The following NOTCH2 variants were observed in gnomAD, a reference collection of about 807,000 sequenced individuals.
The protein encoded by NOTCH2 is neurogenic locus notch homolog protein 2.
Under a neutral mutation model 235.8 loss-of-function variants are expected in NOTCH2, and 29 were observed. That is an observed-to-expected ratio of 0.12 (90% confidence interval 0.09 to 0.17). NOTCH2 has a LOEUF of 0.17. Ranked by LOEUF, NOTCH2 falls within the 10% of genes least tolerant of loss-of-function variation. The pLI is 1.00. For missense variants in NOTCH2, 2,285 were observed against 3,150.2 expected, an observed-to-expected ratio of 0.73 and a Z score of 6.57; for synonymous variants, 1,086 against 1,141.5, an observed-to-expected ratio of 0.95 and a Z score of 0.98.
Position 119,953,620 on chromosome 1 carries a change from G to A in NOTCH2, c.2288C>T (p.Ser763Leu), listed in dbSNP as rs782306821. 9 of 1,613,878 alleles carry A rather than the reference G, an allele frequency of 5.6e-6. No individual in the cohort carries two copies. The highest frequency in any genetic ancestry group is 5.5e-5 in the South Asian group (5 of 91,078). ...AGTTCCTCCATTCTGGCATGGATTCGAAAGGCATTCATTTTTGTCCACTTC... is the reference window on the plus strand; with the variant it reads ...AGTTCCTCCATTCTGGCATGGATTCAAAAGGCATTCATTTTTGTCCACTTC... ...NCEVDKNECL[S>L]NPCQNGGTCD... Residue 763 changes from serine (S) to leucine (L), a missense_variant, in exon 14 of 34, where the codon TCG (serine) becomes TTG (leucine). Ser to Leu is a moderately radical substitution (Grantham distance 145). Transcript: ENST00000256646.
chr1:119,999,511 T>C (rs587693709), intron 3 of NOTCH2, among the ~76,000 whole-genome samples: 1 of 149,028 alleles, frequency 6.7e-6, no homozygotes, highest in Admixed American at 6.7e-5. Context: ...AAGAGGCACT[T>C]ATTTACAGTG....
At chr1:119,939,549 C>G in intron 19 of NOTCH2, among the ~76,000 whole-genome samples, 1 of 152,148 alleles carries the variant, frequency 6.6e-6, no homozygotes, top group Non-Finnish European at 1.5e-5. Context: ...CGTTTAAGAG[C>G]TTATTTCTAA....
At position 120,001,545 on chromosome 1, in the gene NOTCH2, C is replaced by T. The variant is rs181392423; in HGVS notation, c.415+3784G>A. ...TGCCACTACAGAGTGCCCAATTTGC[C>T]AGCAGCAGAAACCAACACTGCACCT... On this transcript the variant is annotated intron_variant, in intron 3 of 33. Coordinates refer to ENST00000256646, the MANE Select transcript of NOTCH2 (RefSeq NM_024408.4). Among the ~76,000 whole-genome samples the T allele has an allele frequency of 2.2e-4, 34 of 152,276 alleles. No homozygotes were observed. The East Asian group carries it at 4.8e-3, about 22-fold the overall frequency.
chr1:120,001,745 C>T (rs587721138), intron 3 of NOTCH2, among the ~76,000 whole-genome samples: 159 of 152,304 alleles, frequency 1.0e-3, no homozygotes, highest in African/African-American at 3.4e-3. Context: ...CTACCATCCG[C>T]GGACTCATGG....
intron 5 of NOTCH2, among the ~76,000 whole-genome samples, chr1:119,975,821 G>C (rs1346812455): frequency 3.9e-5 from 6 of 151,988 alleles, no homozygotes; most frequent in South Asian, 2.1e-4. Flanking sequence ...TAACACGCAG[G>C]GACACAAACA....
intron 1 of NOTCH2, among the ~76,000 whole-genome samples, chr1:120,066,715 A>AT (rs1655521462): frequency 6.6e-6 from 1 of 151,292 alleles, no homozygotes; most frequent in Admixed American, 6.6e-5. Context: ...TAGGGTGGGA[A>AT]TGGAGCAGAG....
Position 120,057,112 on chromosome 1 carries a change from C to T in NOTCH2, c.73+12222G>A, listed in dbSNP as rs1655152140. Among the ~76,000 whole-genome samples the T allele has an allele frequency of 2.2e-5, 3 of 133,394 alleles. 1 individual carries two copies. The South Asian group carries it at 6.9e-4, about 31-fold the overall frequency. The allele number at this position is 133,394 out of a possible 152,430, so 87.5% of individuals were successfully genotyped here. ...TCATGAAGGTTCCCAATCACTCATC[C>T]ACTTTTGATTAAAGAAAAGTGAATG... On this transcript the variant is annotated intron_variant, in intron 1 of 33. Transcript: ENST00000256646.
intron 1 of NOTCH2, among the ~76,000 whole-genome samples, chr1:120,040,903 T>G (rs1330076803): frequency 6.7e-6 from 1 of 149,486 alleles, no homozygotes; most frequent in African/African-American, 2.5e-5. Context: ...TAGCTGGGCA[T>G]GGTGGCGGGT....
chr1:119,987,135 C>A (rs200299107), intron 4 of NOTCH2, 53 bp from the exon 5 acceptor site: 5 of 1,607,368 alleles, frequency 3.1e-6, no homozygotes, highest in Non-Finnish European at 3.4e-6. Flanking sequence ...GAAGAAACGA[C>A]CTGCTCTGTT....
At chr1:119,931,460 G>A (rs2101174079) in intron 22 of NOTCH2, among the ~76,000 whole-genome samples, 1 of 151,478 alleles carries the variant, frequency 6.6e-6, no homozygotes, top group South Asian at 2.1e-4. Context: ...ATTATCAACA[G>A]GAATTTATTA....
chr1:119,928,707 CA>C (rs1278321116), intron 23 of NOTCH2, among the ~76,000 whole-genome samples: 2 of 152,000 alleles, frequency 1.3e-5, no homozygotes, highest in African/African-American at 4.8e-5. Flanking sequence ...CAACTACTTT[CA>C]ATATACATTG....
chr1:119,968,284 G>A, intron 6 of NOTCH2, 52 bp from the exon 7 acceptor site: 1 of 1,581,082 alleles, frequency 6.3e-7, no homozygotes, highest in Non-Finnish European at 8.6e-7. Context: ...TCTCACTTGG[G>A]GAAGAGCTTT....
chr1:119,948,971 T>C (rs782050330), intron 16 of NOTCH2, 36 bp downstream of exon 16: 4 of 1,614,026 alleles, frequency 2.5e-6, no homozygotes, highest in Middle Eastern at 1.6e-4. Flanking sequence ...AAAGTCAGAA[T>C]GCATGTTCTT....
chr1:120,065,949 A>G (rs1408865612), intron 1 of NOTCH2, among the ~76,000 whole-genome samples: 3 of 151,684 alleles, frequency 2.0e-5, no homozygotes, highest in African/African-American at 7.3e-5. Context: ...GCAGTTTTTT[A>G]CTCTAAAATC....
At position 119,934,871 on chromosome 1, in the gene NOTCH2, G is replaced by A. The variant is rs782228199; in HGVS notation, c.3655+601C>T. Among the ~76,000 whole-genome samples the A allele has an allele frequency of 3.2e-4, 49 of 152,162 alleles. 1 individual carries two copies. The highest frequency in any genetic ancestry group is 1.4e-3 in the Admixed American group (22 of 15,282). ...TTCAAAAGCAGTGTCAATGTCCACA[G>A]CAGAATGATGGCCATACCACTCAGT... On this transcript the variant is annotated intron_variant, in intron 22 of 33. Coordinates refer to ENST00000256646, the MANE Select transcript of NOTCH2 (RefSeq NM_024408.4).
intron 2 of NOTCH2, among the ~76,000 whole-genome samples, chr1:120,007,779 G>A (rs1264134927): frequency 1.3e-5 from 2 of 151,184 alleles, no homozygotes; most frequent in Non-Finnish European, 2.9e-5. Context: ...CCAAATCACA[G>A]CTTGATTTGA....
intron 25 of NOTCH2, among the ~76,000 whole-genome samples, chr1:119,924,937 G>C (rs879640187): frequency 3.3e-5 from 5 of 152,330 alleles, no homozygotes; most frequent in African/African-American, 7.2e-5. Context: ...GGGAAAAACA[G>C]TCTTAGGGAA....
intron 5 of NOTCH2, among the ~76,000 whole-genome samples, chr1:119,984,402 C>T (rs1553202001): frequency 1.3e-5 from 2 of 152,116 alleles, no homozygotes; most frequent in Non-Finnish European, 2.9e-5. Flanking sequence ...TACGCATCAT[C>T]ATCTGAAAAA....
intron 15 of NOTCH2, 65 bp downstream of exon 15, chr1:119,950,659 C>T (rs782634431): frequency 9.9e-7 from 1 of 1,009,678 alleles, no homozygotes; most frequent in Non-Finnish European, 1.6e-6. Context: ...GGCACTGAGA[C>T]TCAGGCACTG....
Sources: allele counts gnomAD v4.1 joint callset (sites outside exome capture counted in the v4.1 genomes callset), GRCh38; gene constraint gnomAD v4.1.1; transcripts MANE v1.5; gene names NCBI Gene and HGNC (gene_info 2026-07-23, HGNC 2026-07-21).